Variants in MAML3 observed in about 807,000 individuals in gnomAD.
MAML3 encodes mastermind-like protein 3.
MAML3 carries 27 observed loss-of-function variants against 101.9 expected under a neutral mutation model. The ratio of observed to expected loss-of-function variants is 0.27; its 90% confidence interval spans 0.20 to 0.37. The LOEUF (loss-of-function observed/expected upper bound fraction) is 0.37, where lower values mean the gene tolerates loss of function less well. Ranked by LOEUF, MAML3 falls within the 10% of genes least tolerant of loss-of-function variation. The pLI is 1.00. For missense variants in MAML3, 1,316 were observed against 1,444.9 expected, an observed-to-expected ratio of 0.91 and a Z score of 1.45; for synonymous variants, 501 against 555.9, an observed-to-expected ratio of 0.90 and a Z score of 1.39.
chr4:139,792,006 T>G (rs1730423639), intron 2 of MAML3, among the ~76,000 whole-genome samples: 1 of 152,226 alleles, frequency 6.6e-6, no homozygotes, highest in Non-Finnish European at 1.5e-5. Flanking sequence ...CCTTTGAGTA[T>G]TTGGGCAGAT....
intron 1 of MAML3, among the ~76,000 whole-genome samples, chr4:140,083,827 C>G (rs1237306289): frequency 6.6e-6 from 1 of 152,016 alleles, no homozygotes; most frequent in Non-Finnish European, 1.5e-5. Flanking sequence ...TTGGCCCACT[C>G]CACTCCTCCT....
chr4:139,952,347 C>G (rs1207883996), intron 1 of MAML3, among the ~76,000 whole-genome samples: 1 of 152,104 alleles, frequency 6.6e-6, no homozygotes, highest in African/African-American at 2.4e-5. Flanking sequence ...GGGGGTCTCT[C>G]TGTCCAGAGA....
intron 1 of MAML3, among the ~76,000 whole-genome samples, chr4:140,060,434 G>A (rs1480219270): frequency 4.2e-5 from 6 of 141,776 alleles, no homozygotes; most frequent in Non-Finnish European, 6.1e-5. Flanking sequence ...GATGGGCTAA[G>A]TTCTCTTAAT....
At chr4:140,069,447 G>A (rs1283575656) in intron 1 of MAML3, among the ~76,000 whole-genome samples, 1 of 113,528 alleles carries the variant, frequency 8.8e-6, no homozygotes, top group Admixed American at 9.2e-5. Context: ...GGAGAAGGAG[G>A]AGAAGGAGGA....
At position 140,152,534 on chromosome 4, in the gene MAML3, T is replaced by C. The variant is rs116809835; in HGVS notation, c.468+326A>G. Among the ~76,000 whole-genome samples, 921 of 151,846 alleles carry C rather than the reference T, an allele frequency of 6.1e-3. 5 individuals carry two copies. The highest frequency in any genetic ancestry group is 0.034 in the Middle Eastern group (10 of 294). On this transcript the variant is annotated intron_variant, in intron 1 of 4. Coordinates refer to ENST00000509479, the MANE Select transcript of MAML3 (RefSeq NM_018717.5). ...CAACTCAGGGGTTCACTCTTTCAAA[T>C]CGGTATCTTAAGAAAGGGAAGGGGG...
At chr4:139,993,929 C>G (rs184962005) in intron 1 of MAML3, among the ~76,000 whole-genome samples, 25 of 152,302 alleles carry the variant, frequency 1.6e-4, no homozygotes, top group Admixed American at 3.3e-4. Flanking sequence ...TGCCAAAACC[C>G]AGGTAACAAA....
At chr4:139,829,032 C>T (rs71606859) in intron 2 of MAML3, among the ~76,000 whole-genome samples, 8,722 of 110,850 alleles carry the variant, frequency 0.079, 920 homozygotes, top group African/African-American at 0.26. Flanking sequence ...GACGGACGGA[C>T]GGACTAAGGG....
chr4:139,870,142 G>A (rs116241163), intron 2 of MAML3, among the ~76,000 whole-genome samples: 1,850 of 152,306 alleles, frequency 0.012, 40 homozygotes, highest in African/African-American at 0.042. Flanking sequence ...ACCTTACTGT[G>A]GATCAGAGTT....
chr4:139,928,725 C>A (rs969127621), intron 1 of MAML3, among the ~76,000 whole-genome samples: 1 of 152,042 alleles, frequency 6.6e-6, no homozygotes, highest in African/African-American at 2.4e-5. Context: ...ACAGCTGGGT[C>A]CCGGAGCTCC....
At chr4:139,893,147 C>T (rs879265898) in intron 1 of MAML3, among the ~76,000 whole-genome samples, 1 of 152,162 alleles carries the variant, frequency 6.6e-6, no homozygotes, top group Admixed American at 6.5e-5. Flanking sequence ...TTCACCTTTA[C>T]GGTGCTAAGC....
At chr4:139,861,250 G>T (rs1360532469) in intron 2 of MAML3, among the ~76,000 whole-genome samples, 2 of 151,688 alleles carry the variant, frequency 1.3e-5, no homozygotes, top group African/African-American at 4.8e-5. Flanking sequence ...CTCTTTACTT[G>T]CCCTGTCTTT....
At chr4:140,113,710 A>G (rs1039997692) in intron 1 of MAML3, among the ~76,000 whole-genome samples, 2 of 152,184 alleles carry the variant, frequency 1.3e-5, no homozygotes, top group Non-Finnish European at 2.9e-5. Flanking sequence ...GGGTGTTTGT[A>G]AGCTAACTTC....
At chr4:140,113,280 A>C (rs1033316034) in intron 1 of MAML3, among the ~76,000 whole-genome samples, 2 of 152,152 alleles carry the variant, frequency 1.3e-5, no homozygotes, top group African/African-American at 4.8e-5. Flanking sequence ...CTCGGTCTCA[A>C]AAAAATAAAT....
chr4:140,125,836 C>T (rs139756460), intron 1 of MAML3, among the ~76,000 whole-genome samples: 426 of 152,124 alleles, frequency 2.8e-3, no homozygotes, highest in African/African-American at 4.9e-3. Context: ...TGGAGTACAG[C>T]GGTGCAATCT....
chr4:140,113,099 A>G (rs1010591568), intron 1 of MAML3, among the ~76,000 whole-genome samples: 1 of 152,096 alleles, frequency 6.6e-6, no homozygotes, highest in Admixed American at 6.6e-5. Context: ...TAACATCGTG[A>G]AACCCCATCT....
Position 139,827,213 on chromosome 4 carries a change from C to A in MAML3, c.2079+62144G>T, listed in dbSNP as rs541656336. 7.2e-5 allele frequency among the ~76,000 whole-genome samples: 11 copies of A among 152,130 alleles called. No homozygotes were observed. In the East Asian group the frequency reaches 9.6e-4, roughly 13 times the overall value. ...GTATGTATTCAGAAATAAAGACACC[C>A]AAAGAGTGACAGAAAAAACGGCATT... On this transcript the variant is annotated intron_variant, in intron 2 of 4. Transcript: ENST00000509479.
chr4:140,053,342 C>A (rs933196818), intron 1 of MAML3, among the ~76,000 whole-genome samples: 4 of 152,178 alleles, frequency 2.6e-5, no homozygotes, highest in Admixed American at 1.3e-4. Context: ...GCATGCCCCT[C>A]GGACCACTGC....
chr4:140,076,675 G>C lies in MAML3; in HGVS notation c.468+76185C>G, dbSNP rs552311080. ...TAGTATTTGGCCTCTTTAACACATG[G>C]GCCTTTGTGTGGACACCATCTTTCC... On this transcript the variant is annotated intron_variant, in intron 1 of 4. Coordinates refer to ENST00000509479, the MANE Select transcript of MAML3 (RefSeq NM_018717.5). Among the ~76,000 whole-genome samples, 3 of 152,148 alleles carry C rather than the reference G, an allele frequency of 2.0e-5. No homozygotes were observed. In the East Asian group the frequency reaches 5.8e-4, roughly 29 times the overall value.
chr4:139,910,320 T>C (rs752732869), intron 1 of MAML3, among the ~76,000 whole-genome samples: 1 of 152,198 alleles, frequency 6.6e-6, no homozygotes, highest in Non-Finnish European at 1.5e-5. Flanking sequence ...ATGACTGTGA[T>C]GAGTAGAATC....
Sources: allele counts gnomAD v4.1 joint callset (sites outside exome capture counted in the v4.1 genomes callset), GRCh38; gene constraint gnomAD v4.1.1; transcripts MANE v1.5; gene names NCBI Gene and HGNC (gene_info 2026-07-23, HGNC 2026-07-21).